SNX25: variants seen among roughly 807,000 people sequenced by gnomAD.
SNX25 encodes sorting nexin-25.
Under a neutral mutation model 113.7 loss-of-function variants are expected in SNX25, and 62 were observed. The ratio of observed to expected loss-of-function variants is 0.55; its 90% CI spans 0.44 to 0.67. The LOEUF (loss-of-function observed/expected upper bound fraction) is 0.67, where lower values mean the gene tolerates loss of function less well. SNX25 is among the 30% of genes least tolerant of loss of function. The pLI is 0.00. For synonymous variants in SNX25, 421 were observed against 436.2 expected (o/e 0.97, Z 0.43); for missense variants, 1,014 against 1,161.0 (o/e 0.87, Z 1.84).
intron 1 of SNX25, among the ~76,000 whole-genome samples, chr4:185,221,778 A>G (rs1739900678): frequency 1.0e-5 from 1 of 96,506 alleles, no homozygotes; most frequent in African/African-American, 3.6e-5. Flanking sequence ...GTCTGTAGGG[A>G]CTTTATATAT....
chr4:185,227,836 C>T (rs951045400), intron 1 of SNX25, among the ~76,000 whole-genome samples: 2 of 152,108 alleles, frequency 1.3e-5, no homozygotes, highest in Non-Finnish European at 2.9e-5. Flanking sequence ...GGTCAGTGTA[C>T]ACGTGACAGT....
chr4:185,303,265 A>G (rs1242835490), intron 6 of SNX25, among the ~76,000 whole-genome samples: 1 of 152,090 alleles, frequency 6.6e-6, no homozygotes, highest in Non-Finnish European at 1.5e-5. Flanking sequence ...TTGTAATTTT[A>G]TATGTGGATT....
intron 9 of SNX25, among the ~76,000 whole-genome samples, chr4:185,330,788 A>G (rs992884750): frequency 5.9e-5 from 9 of 151,398 alleles, no homozygotes; most frequent in Admixed American, 3.9e-4. Context: ...CTTCATATAC[A>G]TTCTTTTTTT....
At chr4:185,223,887 C>CT (rs1376859459) in intron 1 of SNX25, among the ~76,000 whole-genome samples, 1 of 152,086 alleles carries the variant, frequency 6.6e-6, no homozygotes, top group Non-Finnish European at 1.5e-5. Context: ...GACTTAAATA[C>CT]TTTTAGAAGA....
intron 1 of SNX25, among the ~76,000 whole-genome samples, chr4:185,227,275 G>T (rs181823546): frequency 6.6e-6 from 1 of 152,356 alleles, no homozygotes; most frequent in East Asian, 1.9e-4. Context: ...TATCTTTCTT[G>T]TTTTGTTTCC....
In SNX25 at chr4:185,353,580, G is replaced by C; in HGVS notation, c.2562G>C (p.Gly854=). 1 of 1,613,996 alleles carries C rather than the reference G, an allele frequency of 6.2e-7. No individual in the cohort carries two copies. The highest frequency in any genetic ancestry group is 8.5e-7 in the Non-Finnish European group (1 of 1,179,922). ...ALAEPCFMLI[G]EIFELRGMFK... ...CTGAACCATGTTTCATGTTGATTGGGGAGATTTTTGAACTTCGAGGAAGTA... is the reference window on the plus strand; with the variant it reads ...CTGAACCATGTTTCATGTTGATTGGCGAGATTTTTGAACTTCGAGGAAGTA... The change falls in exon 15 of 19, where the codon GGG becomes GGC. Residue 854 remains glycine, a synonymous_variant. Coordinates refer to ENST00000652585, the MANE Select transcript of SNX25 (RefSeq NM_001378034.2).
At chr4:185,261,920 A>G (rs541744516) in intron 3 of SNX25, among the ~76,000 whole-genome samples, 2 of 152,344 alleles carry the variant, frequency 1.3e-5, no homozygotes, top group South Asian at 4.1e-4. Context: ...TGTGTCCTGG[A>G]GAACTAATAT....
intron 11 of SNX25, among the ~76,000 whole-genome samples, chr4:185,369,374 T>TG (rs2126781244): frequency 1.1e-5 from 1 of 91,286 alleles, no homozygotes; most frequent in Non-Finnish European, 2.3e-5. Flanking sequence ...CACATTGCCA[T>TG]GCCTGGCTAA....
intron 7 of SNX25, among the ~76,000 whole-genome samples, chr4:185,316,009 A>G (rs1417794920): frequency 6.6e-6 from 1 of 152,248 alleles, no homozygotes; most frequent in African/African-American, 2.4e-5. Context: ...AAGTTTTGAC[A>G]TACACATATA....
In SNX25 at chr4:185,240,856, G is replaced by GAGAC. The variant is rs532429859; in HGVS notation, c.430-6437_430-6434dup. On this transcript the variant is annotated intron_variant, in intron 1 of 18. Transcript: ENST00000652585. The stretch of plus-strand genomic sequence containing the variant: ...ACTTCTCAGACGGGGCGGCCGGGCA[G>GAGAC]AGACGCTCCTCACATCCCAGACGGG... Among the ~76,000 whole-genome samples, 4 of 151,518 alleles carry GAGAC rather than the reference G, an allele frequency of 2.6e-5. No individual in the cohort carries two copies. The South Asian group carries it at 8.4e-4, about 32-fold the overall frequency.
downstream of SNX25, among the ~76,000 whole-genome samples, chr4:185,372,491 G>A (rs2095419281): frequency 6.6e-6 from 1 of 152,222 alleles, no homozygotes; most frequent in Non-Finnish European, 1.5e-5. Flanking sequence ...ATTTGGCATA[G>A]AACATGTAGT....
At chr4:185,323,493 A>G in intron 8 of SNX25, 35 bp from the exon 9 acceptor site, 2 of 1,566,364 alleles carry the variant, frequency 1.3e-6, no homozygotes, top group Non-Finnish European at 1.7e-6. Flanking sequence ...CAGAGATGAT[A>G]TGTCTTACTT....
downstream of SNX25, among the ~76,000 whole-genome samples, chr4:185,368,781 T>A (rs545145606): frequency 2.0e-5 from 3 of 150,976 alleles, no homozygotes; most frequent in East Asian, 5.8e-4. Context: ...CGTTCTCAGA[T>A]TGGAATCTGT....
At chr4:185,293,190 A>G (rs956792544) in intron 6 of SNX25, among the ~76,000 whole-genome samples, 8 of 152,178 alleles carry the variant, frequency 5.3e-5, no homozygotes. Flanking sequence ...AACCTTATAC[A>G]TTGCTGTTGG....
chr4:185,216,579 GC>G (rs373672485), intron 1 of SNX25, among the ~76,000 whole-genome samples: 55 of 146,606 alleles, frequency 3.8e-4, no homozygotes, highest in South Asian at 2.0e-3. Context: ...GAGTGCAGTG[GC>G]ACAATCTCAG....
exon 12 of SNX25, chr4:185,370,091 C>T (rs2095410024): frequency 6.1e-6 from 1 of 164,856 alleles, no homozygotes; most frequent in East Asian, 1.7e-4. Context: ...CTCCCTTACA[C>T]CCCCTCCACT....
At chr4:185,339,985 G>A (rs991256207) in intron 11 of SNX25, among the ~76,000 whole-genome samples, 8 of 152,080 alleles carry the variant, frequency 5.3e-5, no homozygotes, top group Non-Finnish European at 1.2e-4. Context: ...ATAAGAGTTT[G>A]TAGAATATAC....
upstream of SNX25, among the ~76,000 whole-genome samples, chr4:185,208,781 T>C (rs1036724774): frequency 6.6e-6 from 1 of 152,116 alleles, no homozygotes; most frequent in Non-Finnish European, 1.5e-5. Flanking sequence ...TACCAATTGA[T>C]ACTAAAAGCA....
At chr4:185,247,525 A>G in intron 2 of SNX25, 147 bp downstream of exon 2, 1 of 677,640 alleles carries the variant, frequency 1.5e-6, no homozygotes, top group Admixed American at 2.5e-5. Flanking sequence ...TTGATGACTA[A>G]ATACATCCAT....
Sources: gnomAD v4.1 joint callset for allele counts (sites outside exome capture counted in the v4.1 genomes callset) on GRCh38, gnomAD v4.1.1 for gene constraint, MANE v1.5 for transcripts, NCBI Gene and HGNC (gene_info 2026-07-23, HGNC 2026-07-21) for gene names.